Variants in KLHL33 observed in about 807,000 individuals in gnomAD.
The protein encoded by KLHL33 is kelch like family member 33.
KLHL33 carries 46 observed loss-of-function variants against 60.8 expected under a neutral mutation model. The ratio of observed to expected loss-of-function variants is 0.76; its 90% CI spans 0.60 to 0.97. KLHL33 has a LOEUF of 0.97. Among genes scored for constraint, KLHL33 ranks in the 50% least tolerant of loss-of-function variants. The probability of loss-of-function intolerance (pLI) is 0.00; values close to 1 mark genes in which losing one functional copy is unlikely to be tolerated. For synonymous variants in KLHL33, 434 were observed against 432.2 expected, an observed-to-expected ratio of 1.00 and a Z score of -0.05; for missense variants, 1,055 against 1,000.0, an observed-to-expected ratio of 1.05 and a Z score of -0.74.
At chr14:20,432,706 G>A (rs779871615) in intron 2 of KLHL33, among the ~76,000 whole-genome samples, 11 of 151,996 alleles carry the variant, frequency 7.2e-5, no homozygotes, top group Non-Finnish European at 1.6e-4. Flanking sequence ...TGGATCACCT[G>A]AGGTCAGGAG....
chr14:20,429,960 C>G lies in KLHL33; in HGVS notation c.1508G>C (p.Arg503Pro), dbSNP rs868686690. 1 of 1,551,748 alleles carries G rather than the reference C, an allele frequency of 6.4e-7. No individual in the cohort carries two copies. Among genetic ancestry groups the G allele is most frequent in the East Asian group, 2.4e-5 (1 of 40,914 alleles). ...AGTTCGTACCAGTCCCACGCCACAG[C>G]GGAAGGCCCGGGCCCACCACACTGC... ...SRAVWWARAF[R>P]CGVGLVRTVE... is the part of the protein sequence containing the mutation. Residue 503 changes from arginine (R) to proline (P), a missense_variant, in exon 3 of 5, where the codon CGC becomes CCC. Coordinates refer to ENST00000636854, the MANE Select transcript of KLHL33 (RefSeq NM_001365790.2).
chr14:20,435,705 G>A lies in KLHL33; in HGVS notation c.107C>T (p.Ser36Phe). ...ATCCTCGTCGGGGGAGGGAGGCCAGGAAGGGGTTCTCTGGGCGTGCACAAG... is the reference window on the plus strand; with the variant it reads ...ATCCTCGTCGGGGGAGGGAGGCCAGAAAGGGGTTCTCTGGGCGTGCACAAG... ...GLLVHAQRTP[S>F]WPPSPDEDPR... The change falls in exon 2 of 5, where the codon TCC becomes TTC. Residue 36 changes from serine (S) to phenylalanine (F), a missense_variant. By Grantham distance (155) the Ser-to-Phe change is radical. Coordinates refer to ENST00000636854, the MANE Select transcript of KLHL33 (RefSeq NM_001365790.2). 8.1e-7 allele frequency: 1 copy of A among 1,234,870 alleles called. No individual in the cohort carries two copies. The highest frequency in any genetic ancestry group is 1.5e-5 in the African/African-American group (1 of 64,622). 76.5% of individuals were successfully genotyped at this position (1,234,870 alleles called of 1,614,324 possible). A position where few individuals can be genotyped will look rare whatever the true frequency, so the allele number is the denominator to read the frequency against.
At chr14:20,431,574 A>C (rs1272740257) in intron 2 of KLHL33, among the ~76,000 whole-genome samples, 1 of 152,122 alleles carries the variant, frequency 6.6e-6, no homozygotes, top group Admixed American at 6.5e-5. Context: ...CCAAAAATAC[A>C]AACATTAGCC....
rs1305102014 is a variant in KLHL33, at chr14:20,427,204, T to C, written c.*1645A>G. The stretch of plus-strand genomic sequence containing the variant: ...ATAATAATAATAAAATAAAATAAAT[T>C]AAAAAAAAAAAAAGAAAAAGAAAAT... On this transcript the variant is annotated 3_prime_UTR_variant, in exon 5 of 5. Coordinates refer to ENST00000636854, the MANE Select transcript of KLHL33 (RefSeq NM_001365790.2). 1 of 129,700 alleles carries C rather than the reference T, an allele frequency of 7.7e-6. No individual in the cohort carries two copies. The highest frequency in any genetic ancestry group is 7.7e-5 in the Admixed American group (1 of 12,938). The allele number at this position is 129,700 out of a possible 1,614,324, so 8.0% of individuals were successfully genotyped here. A position where few individuals can be genotyped will look rare whatever the true frequency, so the allele number is the denominator to read the frequency against.
intron 2 of KLHL33, among the ~76,000 whole-genome samples, chr14:20,433,946 A>G (rs1403509342): frequency 1.3e-5 from 2 of 152,110 alleles, no homozygotes; most frequent in African/African-American, 4.8e-5. Flanking sequence ...GATAATCTCT[A>G]AACTAATCCC....
rs374327550 is a variant in KLHL33, at chr14:20,427,643, G to A, written c.*1206C>T. 1.1e-4 allele frequency: 16 copies of A among 152,280 alleles called. No individual in the cohort carries two copies. Among genetic ancestry groups the A allele is most frequent in the African/African-American group, 3.4e-4 (14 of 41,526 alleles). The allele number at this position is 152,280 out of a possible 1,614,324, so 9.4% of individuals were successfully genotyped here. A position where few individuals can be genotyped will look rare whatever the true frequency, so the allele number is the denominator to read the frequency against. ...TATCCTCTGGGCTCTCGCAAGACTC[G>A]TCCATACATGTAAGTCCACTCAAAA... On this transcript the variant is annotated 3_prime_UTR_variant, in exon 5 of 5. Coordinates refer to ENST00000636854, the MANE Select transcript of KLHL33 (RefSeq NM_001365790.2).
At position 20,426,604 on chromosome 14, in the gene KLHL33, C is replaced by G. The variant is rs1880279887; in HGVS notation, c.*2245G>C. The G allele has an allele frequency of 6.6e-6, 1 of 151,856 alleles. No individual in the cohort carries two copies. Among genetic ancestry groups the G allele is most frequent in the Admixed American group, 6.6e-5 (1 of 15,218 alleles). The allele number at this position is 151,856 out of a possible 1,614,324, so 9.4% of individuals were successfully genotyped here. A position where few individuals can be genotyped will look rare whatever the true frequency, so the allele number is the denominator to read the frequency against. On this transcript the variant is annotated 3_prime_UTR_variant, in exon 5 of 5. Transcript: ENST00000636854. ...TGGTGGGACTGTAAACTAGTTCAAC[C>G]ATTGTGGAAGTCAGTGTGGCGATTC...
Position 20,435,126 on chromosome 14 carries a change from A to T in KLHL33, c.686T>A (p.Leu229His). ...ELRENLRGIE[L>H]LYREGVGCDL... ...ACACCCGACGCCCTCTCGGTAGAGGAGCTCGATTCCGCGCAGGTTCTCCCT... is the reference window on the plus strand; with the variant it reads ...ACACCCGACGCCCTCTCGGTAGAGGTGCTCGATTCCGCGCAGGTTCTCCCT... Residue 229 changes from leucine (L) to histidine (H), a missense_variant, in exon 2 of 5, where the codon CTC becomes CAC. Leu to His is a moderately conservative substitution (Grantham distance 99). Coordinates refer to ENST00000636854, the MANE Select transcript of KLHL33 (RefSeq NM_001365790.2). The T allele has an allele frequency of 6.5e-6, 8 of 1,234,310 alleles. No individual in the cohort carries two copies. The highest frequency in any genetic ancestry group is 8.1e-6 in the Non-Finnish European group (8 of 988,142). 76.5% of individuals were successfully genotyped at this position (1,234,310 alleles called of 1,614,324 possible). A position where few individuals can be genotyped will look rare whatever the true frequency, so the allele number is the denominator to read the frequency against.
In KLHL33 at chr14:20,427,603, C is replaced by A. The variant is rs1170051863; in HGVS notation, c.*1246G>T. On this transcript the variant is annotated 3_prime_UTR_variant, in exon 5 of 5. Coordinates refer to ENST00000636854, the MANE Select transcript of KLHL33 (RefSeq NM_001365790.2). ...CTTTCCTAACAGAAGCCTTCCTGAG[C>A]AGAGTTCACTGCTCTATCCTCTGGG... 6.6e-6 allele frequency: 1 copy of A among 152,224 alleles called. No homozygotes were observed. Among genetic ancestry groups the A allele is most frequent in the African/African-American group, 2.4e-5 (1 of 41,444 alleles). 9.4% of individuals were successfully genotyped at this position (152,224 alleles called of 1,614,324 possible). A position where few individuals can be genotyped will look rare whatever the true frequency, so the allele number is the denominator to read the frequency against.
rs1312009447 is a variant in KLHL33 at position 20,431,149 on chromosome 14, T to C, written c.749-430A>G. ...GGAAATGACCAACAAGCAACTTATA[T>C]AGGTCTGTCTATATCGTGACAAAAT... On this transcript the variant is annotated intron_variant, in intron 2 of 4. Coordinates refer to ENST00000636854, the MANE Select transcript of KLHL33 (RefSeq NM_001365790.2). Among the ~76,000 whole-genome samples, 4 of 152,312 alleles carry C rather than the reference T, an allele frequency of 2.6e-5. No homozygotes were observed. The East Asian group carries it at 5.8e-4, about 22-fold the overall frequency.
At position 20,429,073 on chromosome 14, in the gene KLHL33, T is replaced by C; in HGVS notation, c.2170A>G (p.Ser724Gly). Residue 724 changes from serine to glycine, a missense_variant, in exon 5 of 5, where the codon AGT becomes GGT. Ser to Gly is a moderately conservative substitution (Grantham distance 56). Transcript: ENST00000636854. ...AGTAGCTCCCCCTGCAGCACAGCAC[T>C]TGCAGCCCCCACATGGGGGGAGGGT... ...PLPSPHVGAA[S>G]AVLQGELLVL... 1 of 1,551,694 alleles carries C rather than the reference T, an allele frequency of 6.4e-7. No homozygotes were observed. Among genetic ancestry groups the C allele is most frequent in the Non-Finnish European group, 8.7e-7 (1 of 1,146,976 alleles).
At chr14:20,432,102 A>T in intron 2 of KLHL33, among the ~76,000 whole-genome samples, 1 of 138,740 alleles carries the variant, frequency 7.2e-6, no homozygotes, top group East Asian at 2.0e-4. Context: ...AAAATGGAGC[A>T]TTTTATAGGA....
chr14:20,432,880 C>T (rs891323719), intron 2 of KLHL33, among the ~76,000 whole-genome samples: 17 of 144,686 alleles, frequency 1.2e-4, no homozygotes, highest in Admixed American at 4.4e-4. Context: ...CGAGATCGTG[C>T]CATTGTACTC....
rs980789116 is a variant in KLHL33, at chr14:20,427,498, A to C, written c.*1351T>G. The C allele has an allele frequency of 6.6e-6, 1 of 152,182 alleles. No homozygotes were observed. Among genetic ancestry groups the C allele is most frequent in the African/African-American group, 2.4e-5 (1 of 41,446 alleles). 9.4% of individuals were successfully genotyped at this position (152,182 alleles called of 1,614,324 possible). On this transcript the variant is annotated 3_prime_UTR_variant, in exon 5 of 5. Transcript: ENST00000636854. ...GCATGCCCCACTTCTTTCTGTTTCA[A>C]ATGCATTCCCCCTTCTCTAATGGGT...
Position 20,430,359 on chromosome 14 carries a change from G to A in KLHL33, c.1109C>T (p.Ala370Val). 2 of 1,551,926 alleles carry A rather than the reference G, an allele frequency of 1.3e-6. No individual in the cohort carries two copies. The highest frequency in any genetic ancestry group is 1.7e-6 in the Non-Finnish European group (2 of 1,147,048). Residue 370 changes from alanine to valine, a missense_variant, in exon 3 of 5, where the codon GCC becomes GTC. Coordinates refer to ENST00000636854, the MANE Select transcript of KLHL33 (RefSeq NM_001365790.2). ...TAAAGAAGGGAAAGCAGGACACAAG[G>A]CTACAGCAGGCAGGTGGGTGAGGAG... is the stretch of plus-strand genomic sequence containing the variant. ...HYLLTHLPAV[A>V]LCPAFPSLPA...
Position 20,428,764 on chromosome 14 carries a change from A to T in KLHL33, c.*85T>A. On this transcript the variant is annotated 3_prime_UTR_variant, in exon 5 of 5. Coordinates refer to ENST00000636854, the MANE Select transcript of KLHL33 (RefSeq NM_001365790.2). ...GAGAATAAAATACTACCAAGAATAA[A>T]GCCTCTTTTCACTCCCCACAATCTC... 8.6e-7 allele frequency: 1 copy of T among 1,164,558 alleles called. No individual in the cohort carries two copies. The highest frequency in any genetic ancestry group is 1.2e-6 in the Non-Finnish European group (1 of 827,236). 72.1% of individuals were successfully genotyped at this position (1,164,558 alleles called of 1,614,324 possible).
rs1250698605 is a variant in KLHL33 at position 20,428,928 on chromosome 14, G to A, written c.2315C>T (p.Pro772Leu). The A allele has an allele frequency of 6.4e-7, 1 of 1,551,756 alleles. No homozygotes were observed. Among genetic ancestry groups the A allele is most frequent in the East Asian group, 2.4e-5 (1 of 40,918 alleles). The change falls in exon 5 of 5, where the codon CCT (proline) becomes CTT (leucine). Residue 772 changes from proline to leucine, a missense_variant. Coordinates refer to ENST00000636854, the MANE Select transcript of KLHL33 (RefSeq NM_001365790.2). ...AGCGGGCAGTGTCAGGATGCAGGCAGGCATCTCAGCCCGAGGCCTTGGCAG... is the reference window on the plus strand; with the variant it reads ...AGCGGGCAGTGTCAGGATGCAGGCAAGCATCTCAGCCCGAGGCCTTGGCAG... ...GTLPRPRAEMPACILTLPAVQ... is the reference protein window; with the variant it reads ...GTLPRPRAEMLACILTLPAVQ...
rs1225042428 is a variant in KLHL33 at position 20,430,083 on chromosome 14, A to G, written c.1385T>C (p.Val462Ala). Reference protein sequence around the residue: ...LLHQLMVEADVPGQERRREPD... With the variant: ...LLHQLMVEADAPGQERRREPD... ...CTCCCTCCGTCTCTCTTGGCCTGGA[A>G]CATCAGCCTCTACCATCAGCTGGTG... Residue 462 changes from valine (V) to alanine (A), a missense_variant, in exon 3 of 5, where the codon GTT becomes GCT. By Grantham distance (64) the Val-to-Ala change is moderately conservative. Transcript: ENST00000636854. 1 of 1,551,724 alleles carries G rather than the reference A, an allele frequency of 6.4e-7. No homozygotes were observed. The highest frequency in any genetic ancestry group is 8.7e-7 in the Non-Finnish European group (1 of 1,147,010).
intron 2 of KLHL33, among the ~76,000 whole-genome samples, chr14:20,434,561 C>A (rs1880622375): frequency 6.6e-6 from 1 of 151,526 alleles, no homozygotes; most frequent in Non-Finnish European, 1.5e-5. Flanking sequence ...AAAAAAAGTG[C>A]CACGGCCTGG....
Sources: allele counts gnomAD v4.1 joint callset (sites outside exome capture counted in the v4.1 genomes callset), GRCh38; gene constraint gnomAD v4.1.1; transcripts MANE v1.5; gene names NCBI Gene and HGNC (gene_info 2026-07-23, HGNC 2026-07-21).